Variants in DOCK3 observed in about 807,000 individuals in gnomAD.
The protein encoded by DOCK3 is dedicator of cytokinesis 3, also known as dedicator of cytokinesis protein 3.
A neutral mutation model predicts 265.6 loss-of-function variants in DOCK3; 60 were observed. The observed-to-expected ratio is 0.23, with a 90% CI of 0.18 to 0.28. The LOEUF (loss-of-function observed/expected upper bound fraction) is 0.28. Among genes scored for constraint, DOCK3 ranks in the 10% least tolerant of loss-of-function variants. DOCK3 has a pLI of 1.00. For synonymous variants in DOCK3, 881 were observed against 938.0 expected, an observed-to-expected ratio of 0.94 and a Z score of 1.11; for missense variants, 1,981 against 2,594.3, an observed-to-expected ratio of 0.76 and a Z score of 5.14.
chr3:51,044,496 G>A (rs902029039), intron 5 of DOCK3, among the ~76,000 whole-genome samples: 1 of 151,712 alleles, frequency 6.6e-6, no homozygotes, highest in Non-Finnish European at 1.5e-5. Context: ...CTTAATACTT[G>A]GGTGATGAAA....
intron 4 of DOCK3, chr3:50,901,766 C>T (rs1337547493): frequency 2.3e-6 from 1 of 440,654 alleles, no homozygotes; most frequent in South Asian, 1.6e-5. Flanking sequence ...GAGGCGACAC[C>T]CTACCCTGCT....
At chr3:50,883,318 A>C (rs1251675521) in intron 3 of DOCK3, among the ~76,000 whole-genome samples, 1 of 152,150 alleles carries the variant, frequency 6.6e-6, no homozygotes, top group Non-Finnish European at 1.5e-5. Flanking sequence ...AATCACGCAC[A>C]AGGAGAAGTT....
chr3:51,045,665 C>T (rs1296791929), intron 5 of DOCK3, among the ~76,000 whole-genome samples: 1 of 152,106 alleles, frequency 6.6e-6, no homozygotes, highest in Non-Finnish European at 1.5e-5. Flanking sequence ...TTTTATTTCT[C>T]ATCTTTTGCA....
At chr3:50,942,728 G>A (rs2108252319) in intron 5 of DOCK3, among the ~76,000 whole-genome samples, 1 of 148,242 alleles carries the variant, frequency 6.7e-6, no homozygotes, top group South Asian at 2.4e-4. Flanking sequence ...GAATATTAAA[G>A]GAGAAGCAAT....
chr3:50,775,361 A>G (rs1215787879), intron 1 of DOCK3, among the ~76,000 whole-genome samples: 1 of 152,042 alleles, frequency 6.6e-6, no homozygotes, highest in Non-Finnish European at 1.5e-5. Flanking sequence ...GCCTTTCTGT[A>G]AATTCGTCTC....
chr3:50,961,101 A>G (rs920234083), intron 5 of DOCK3, among the ~76,000 whole-genome samples: 22 of 152,194 alleles, frequency 1.4e-4, no homozygotes, highest in Non-Finnish European at 2.8e-4. Flanking sequence ...AAATATAGTA[A>G]GTGTAGTTTT....
chr3:51,216,634 G>T (rs1257598749), intron 14 of DOCK3, among the ~76,000 whole-genome samples: 3 of 152,170 alleles, frequency 2.0e-5, no homozygotes, highest in African/African-American at 7.2e-5. Flanking sequence ...CCACTCCCAG[G>T]GTTGTGGGCT....
intron 14 of DOCK3, among the ~76,000 whole-genome samples, chr3:51,221,233 C>T (rs2090083088): frequency 6.6e-6 from 1 of 152,122 alleles, no homozygotes. Flanking sequence ...AACATAGCCC[C>T]AGGTTCATTA....
At chr3:51,084,050 TGAAAA>T (rs1027357681) in intron 7 of DOCK3, among the ~76,000 whole-genome samples, 24 of 151,752 alleles carry the variant, frequency 1.6e-4, no homozygotes, top group African/African-American at 4.8e-4. Context: ...ATCAATCAGA[TGAAAA>T]GAAAAAAGAG....
chr3:50,874,061 C>CTTTTTTT (rs1234594228), intron 3 of DOCK3, among the ~76,000 whole-genome samples: 4 of 104,572 alleles, frequency 3.8e-5, no homozygotes, highest in African/African-American at 1.1e-4. Context: ...TTTTTCTTTT[C>CTTTTTTT]TTTTGTTTTT....
intron 15 of DOCK3, 77 bp from the exon 16 acceptor site, chr3:51,227,206 G>T: frequency 1.3e-6 from 2 of 1,529,860 alleles, no homozygotes; most frequent in Non-Finnish European, 1.8e-6. Context: ...ACAAGAGAAA[G>T]AAAAGTGTCC....
chr3:50,758,011 T>TA (rs1193473433), intron 1 of DOCK3, among the ~76,000 whole-genome samples: 3 of 151,164 alleles, frequency 2.0e-5, no homozygotes, highest in Non-Finnish European at 3.0e-5. Context: ...CCGTCTCTAC[T>TA]AAAAAATACA....
At chr3:51,011,301 T>C (rs939327950) in intron 5 of DOCK3, among the ~76,000 whole-genome samples, 1 of 152,206 alleles carries the variant, frequency 6.6e-6, no homozygotes, top group African/African-American at 2.4e-5. Context: ...AGTCCCATAT[T>C]TCTTGGAGGC....
intron 9 of DOCK3, among the ~76,000 whole-genome samples, chr3:51,113,986 G>A (rs2083627937): frequency 1.3e-5 from 2 of 152,060 alleles, no homozygotes; most frequent in Non-Finnish European, 2.9e-5. Context: ...GCACATGCTT[G>A]TAGTCCCAGG....
intron 2 of DOCK3, among the ~76,000 whole-genome samples, chr3:50,835,079 A>G (rs2045424055): frequency 6.6e-6 from 1 of 152,176 alleles, no homozygotes; most frequent in African/African-American, 2.4e-5. Flanking sequence ...ACCCTGTTGT[A>G]CTTTTATTCC....
intron 27 of DOCK3, among the ~76,000 whole-genome samples, chr3:51,289,286 G>A (rs1326230602): frequency 6.6e-6 from 1 of 152,146 alleles, no homozygotes; most frequent in African/African-American, 2.4e-5. Context: ...ATTTGAAGGT[G>A]GAGGGTAGGA....
intron 5 of DOCK3, among the ~76,000 whole-genome samples, chr3:50,937,276 TAAAAA>T (rs60209788): frequency 9.0e-6 from 1 of 110,722 alleles, no homozygotes; most frequent in Non-Finnish European, 1.8e-5. Flanking sequence ...AAACTCCATC[TAAAAA>T]AAAAAAAAAA....
chr3:50,848,444 A>G lies in DOCK3; in HGVS notation c.162+6729A>G, dbSNP rs376201743. The stretch of plus-strand genomic sequence containing the variant: ...AGCAGGTATCGCTCTTTTTGTTTCC[A>G]TGTTTAGAACTCTTAAGGATCTCCT... On this transcript the variant is annotated intron_variant, in intron 3 of 52. Transcript: ENST00000266037. Among the ~76,000 whole-genome samples, 14 of 152,244 alleles carry G rather than the reference A, an allele frequency of 9.2e-5. No homozygotes were observed. The East Asian group carries it at 2.1e-3, about 23-fold the overall frequency.
intron 14 of DOCK3, 22 bp downstream of exon 14, chr3:51,214,269 T>A: frequency 6.2e-7 from 1 of 1,612,464 alleles, no homozygotes; most frequent in Non-Finnish European, 8.5e-7. Flanking sequence ...TGCTTGGGGC[T>A]GGGAAGGAAG....
Sources: gnomAD v4.1 joint callset for allele counts (sites outside exome capture counted in the v4.1 genomes callset) on GRCh38, gnomAD v4.1.1 for gene constraint, MANE v1.5 for transcripts, NCBI Gene and HGNC (gene_info 2026-07-23, HGNC 2026-07-21) for gene names.